Variants in ZDHHC20 observed in about 807,000 individuals in gnomAD.
The protein encoded by ZDHHC20 is zDHHC palmitoyltransferase 20.
ZDHHC20 carries 43 observed loss-of-function variants against 57.8 expected under a neutral mutation model. The ratio of observed to expected loss-of-function variants is 0.74; its 90% confidence interval spans 0.58 to 0.96. The LOEUF (loss-of-function observed/expected upper bound fraction) is 0.96, where lower values mean the gene tolerates loss of function less well. ZDHHC20 is among the 40% of genes least tolerant of loss of function. The pLI, the probability that ZDHHC20 is intolerant of heterozygous loss-of-function variation, is 0.00. For missense variants in ZDHHC20, 391 were observed against 441.1 expected (o/e 0.89, Z 1.02); for synonymous variants, 157 against 153.0 (o/e 1.03, Z -0.19).
chr13:21,441,532 C>G (rs1386023619), intron 1 of ZDHHC20, among the ~76,000 whole-genome samples: 2 of 147,820 alleles, frequency 1.4e-5, no homozygotes, highest in African/African-American at 5.0e-5. Flanking sequence ...ACTACAGGCG[C>G]CCGCCACCAC....
At chr13:21,386,075 T>A (rs1276346943) in intron 9 of ZDHHC20, among the ~76,000 whole-genome samples, 1 of 152,222 alleles carries the variant, frequency 6.6e-6, no homozygotes, top group Non-Finnish European at 1.5e-5. Context: ...GTAATCTGTG[T>A]TCCAACCAAT....
chr13:21,409,701 T>C (rs1176682160), intron 4 of ZDHHC20, among the ~76,000 whole-genome samples: 1 of 152,196 alleles, frequency 6.6e-6, no homozygotes, highest in Non-Finnish European at 1.5e-5. Flanking sequence ...TTGTGTATGC[T>C]TCACAAAGTT....
chr13:21,430,936 T>A (rs537340951), intron 1 of ZDHHC20, among the ~76,000 whole-genome samples: 11 of 152,276 alleles, frequency 7.2e-5, no homozygotes, highest in Non-Finnish European at 1.2e-4. Context: ...AAGTCTCTAT[T>A]TCATCTTGTC....
intron 1 of ZDHHC20, among the ~76,000 whole-genome samples, chr13:21,432,599 T>C (rs1039299480): frequency 2.1e-4 from 32 of 152,198 alleles, no homozygotes; most frequent in Non-Finnish European, 3.8e-4. Flanking sequence ...CCCAAAGTGC[T>C]GGGATTACAG....
intron 1 of ZDHHC20, among the ~76,000 whole-genome samples, chr13:21,450,611 A>G (rs2138058423): frequency 6.6e-6 from 1 of 152,330 alleles, no homozygotes; most frequent in Non-Finnish European, 1.5e-5. Flanking sequence ...AAATAACAAA[A>G]AGTAAAAGAG....
intron 9 of ZDHHC20, among the ~76,000 whole-genome samples, chr13:21,386,704 A>G (rs1416201534): frequency 2.6e-5 from 4 of 152,110 alleles, no homozygotes; most frequent in Non-Finnish European, 5.9e-5. Context: ...GTGCGCCACC[A>G]CACCCAGTTA....
chr13:21,379,480 C>T (rs569756192), intron 11 of ZDHHC20, among the ~76,000 whole-genome samples: 5 of 152,132 alleles, frequency 3.3e-5, no homozygotes, highest in African/African-American at 1.2e-4. Context: ...TAGAGATAGG[C>T]TATATGGCCC....
In ZDHHC20 at chr13:21,387,526, A is replaced by G; in HGVS notation, c.836T>C (p.Leu279Pro). ...AAATTACCTTGAAAATATTGGAAGT[A>G]GCCAATATTTCTTTTCATCACCAAA... ...QVFGDEKKYW[L>P]LPIFSSLGDG... The change falls in exon 9 of 13, where the codon CTA becomes CCA. Residue 279 changes from leucine (L) to proline (P), a missense_variant. This residue lies in a region of ZDHHC20 where 197 missense variants were observed against 220.8 expected (regional missense o/e 0.89). Coordinates refer to ENST00000400590, the MANE Select transcript of ZDHHC20 (RefSeq NM_001330059.2). 6.5e-7 allele frequency: 1 copy of G among 1,535,018 alleles called. No individual in the cohort carries two copies. Among genetic ancestry groups the G allele is most frequent in the Non-Finnish European group, 8.8e-7 (1 of 1,138,742 alleles).
At chr13:21,442,525 C>T (rs9509715) in intron 1 of ZDHHC20, among the ~76,000 whole-genome samples, 23,762 of 152,128 alleles carry the variant, frequency 0.16, 2,530 homozygotes, top group Non-Finnish European at 0.25. Context: ...GAGGCCAAGG[C>T]GGGTGGATCA....
chr13:21,424,847 T>G (rs1765089724), intron 2 of ZDHHC20, among the ~76,000 whole-genome samples: 1 of 152,214 alleles, frequency 6.6e-6, no homozygotes, highest in East Asian at 1.9e-4. Context: ...AGGAAACATT[T>G]TTGATTTAAA....
At chr13:21,419,622 C>CACAT (rs1268991567) in intron 3 of ZDHHC20, among the ~76,000 whole-genome samples, 1 of 152,226 alleles carries the variant, frequency 6.6e-6, no homozygotes, top group Non-Finnish European at 1.5e-5. Flanking sequence ...TATGACTATA[C>CACAT]ACATACACAC....
At position 21,392,103 on chromosome 13, in the gene ZDHHC20, C is replaced by T. The variant is rs184707231; in HGVS notation, c.595-249G>A. Among the ~76,000 whole-genome samples the T allele has an allele frequency of 5.3e-3, 797 of 151,176 alleles. 5 individuals carry two copies. Among genetic ancestry groups the T allele is most frequent in the Middle Eastern group, 0.028 (8 of 286 alleles). On this transcript the variant is annotated intron_variant, in intron 7 of 12. Coordinates refer to ENST00000400590, the MANE Select transcript of ZDHHC20 (RefSeq NM_001330059.2). Reference sequence around the variant, plus strand: ...TAAATTTTTTTTAATTTTAGCTTGGCATGGTGGTGCATACCTGTAATCCCA... The same window carrying T: ...TAAATTTTTTTTAATTTTAGCTTGGTATGGTGGTGCATACCTGTAATCCCA...
intron 6 of ZDHHC20, 29 bp from the exon 7 acceptor site, chr13:21,400,522 AAAGT>A: frequency 6.6e-7 from 1 of 1,525,104 alleles, no homozygotes; most frequent in Non-Finnish European, 8.8e-7. Context: ...CCACATTATA[AAAGT>A]AAGACAAATC....
rs1341283337 is a variant in ZDHHC20, at chr13:21,373,741, A to AT, written c.*2954dup. On this transcript the variant is annotated 3_prime_UTR_variant, in exon 13 of 13. Transcript: ENST00000400590. ...TAAAATTTGACAGGGCTTCATTTTG[A>AT]TTTTTTCTCCCCAAATAGTTGATAG... is the stretch of plus-strand genomic sequence containing the variant. 1 of 152,128 alleles carries AT rather than the reference A, an allele frequency of 6.6e-6. No individual in the cohort carries two copies. The highest frequency in any genetic ancestry group is 2.4e-5 in the African/African-American group (1 of 41,436). The allele number at this position is 152,128 out of a possible 1,614,324, so 9.4% of individuals were successfully genotyped here.
chr13:21,410,989 T>C (rs1879133146), intron 4 of ZDHHC20, among the ~76,000 whole-genome samples: 1 of 152,124 alleles, frequency 6.6e-6, no homozygotes, highest in Non-Finnish European at 1.5e-5. Context: ...GCCCTGGTGG[T>C]GTAGGCACCC....
intron 2 of ZDHHC20, among the ~76,000 whole-genome samples, chr13:21,423,241 C>T (rs1338783246): frequency 1.3e-5 from 2 of 152,208 alleles, no homozygotes; most frequent in Admixed American, 6.5e-5. Flanking sequence ...ACCCTAACTT[C>T]CTTCTATTTT....
At chr13:21,385,500 CA>C (rs1430262059) in intron 9 of ZDHHC20, among the ~76,000 whole-genome samples, 1 of 152,030 alleles carries the variant, frequency 6.6e-6, no homozygotes, top group South Asian at 2.1e-4. Flanking sequence ...GCAGGCTAGA[CA>C]TTATAGAAGA....
At chr13:21,388,422 T>C (rs529837588) in intron 8 of ZDHHC20, among the ~76,000 whole-genome samples, 2 of 152,296 alleles carry the variant, frequency 1.3e-5, no homozygotes, top group African/African-American at 4.8e-5. Flanking sequence ...TCTAGAAAAG[T>C]TGTAAAGGTT....
At chr13:21,397,231 C>A (rs905725024) in intron 7 of ZDHHC20, among the ~76,000 whole-genome samples, 8 of 151,816 alleles carry the variant, frequency 5.3e-5, no homozygotes, top group African/African-American at 1.9e-4. Context: ...CCCGTCTCTG[C>A]TAGAGAATCA....
Sources: allele counts gnomAD v4.1 joint callset (sites outside exome capture counted in the v4.1 genomes callset), GRCh38; gene constraint gnomAD v4.1.1; regional missense constraint gnomAD v4.1.1; transcripts MANE v1.5; gene names NCBI Gene and HGNC (gene_info 2026-07-23, HGNC 2026-07-21).